The following TMTC2 variants were observed in gnomAD, a reference collection of about 807,000 sequenced individuals.
The protein encoded by TMTC2 is protein O-mannosyl-transferase TMTC2.
TMTC2 carries 43 observed loss-of-function variants against 82.4 expected under a neutral mutation model. The ratio of observed to expected loss-of-function variants is 0.52; its 90% confidence interval spans 0.41 to 0.67. The LOEUF (loss-of-function observed/expected upper bound fraction) is 0.67. Among genes scored for constraint, TMTC2 ranks in the 30% least tolerant of loss-of-function variants. TMTC2 has a pLI of 0.00. For synonymous variants in TMTC2, 408 were observed against 381.9 expected (o/e 1.07, Z -0.80); for missense variants, 919 against 1,012.4 (o/e 0.91, Z 1.25).
At chr12:83,040,032 T>C (rs564724982) in intron 9 of TMTC2, among the ~76,000 whole-genome samples, 1 of 152,356 alleles carries the variant, frequency 6.6e-6, no homozygotes, top group East Asian at 1.9e-4. Flanking sequence ...TGAAGCTCAG[T>C]GTTTAACAAT....
intron 7 of TMTC2, among the ~76,000 whole-genome samples, chr12:82,982,930 A>G (rs1878988895): frequency 6.6e-6 from 1 of 152,032 alleles, no homozygotes; most frequent in Non-Finnish European, 1.5e-5. Context: ...TTCCATCTTT[A>G]AAATCCAAAT....
chr12:82,742,959 A>G (rs1159722376), intron 1 of TMTC2, among the ~76,000 whole-genome samples: 1 of 152,118 alleles, frequency 6.6e-6, no homozygotes, highest in African/African-American at 2.4e-5. Flanking sequence ...TTCTACGTAG[A>G]CAGTTGCCTT....
intron 1 of TMTC2, among the ~76,000 whole-genome samples, chr12:82,688,497 A>C (rs1237730947): frequency 6.6e-6 from 1 of 152,178 alleles, no homozygotes; most frequent in Non-Finnish European, 1.5e-5. Flanking sequence ...GTCTCTTCCT[A>C]TCTTTTAAAC....
chr12:82,905,802 G>A (rs1007395692), intron 3 of TMTC2, among the ~76,000 whole-genome samples: 20 of 152,012 alleles, frequency 1.3e-4, no homozygotes, highest in Admixed American at 6.6e-4. Flanking sequence ...AAAATTAGCC[G>A]GGCATGGTGG....
intron 3 of TMTC2, among the ~76,000 whole-genome samples, chr12:82,912,431 A>G (rs1213766568): frequency 1.3e-5 from 2 of 152,200 alleles, no homozygotes; most frequent in South Asian, 2.1e-4. Context: ...GCTTAGGATA[A>G]GAGAGTAAAT....
intron 1 of TMTC2, among the ~76,000 whole-genome samples, chr12:82,709,798 G>A (rs1873540493): frequency 6.6e-6 from 1 of 152,184 alleles, no homozygotes; most frequent in Non-Finnish European, 1.5e-5. Context: ...CAATCCTAAT[G>A]TTAATGTTTA....
At chr12:82,984,312 G>A (rs137997780) in intron 7 of TMTC2, among the ~76,000 whole-genome samples, 27 of 152,150 alleles carry the variant, frequency 1.8e-4, no homozygotes, top group African/African-American at 5.8e-4. Flanking sequence ...GTGTGAGTGG[G>A]TAAAAATGTG....
intron 11 of TMTC2, among the ~76,000 whole-genome samples, chr12:83,113,397 T>A (rs1010599272): frequency 4.6e-5 from 7 of 152,302 alleles, no homozygotes; most frequent in Admixed American, 3.3e-4. Flanking sequence ...ACTTAGGAGA[T>A]GCTAGATGCA....
chr12:83,085,618 C>T (rs1883625867), intron 11 of TMTC2, among the ~76,000 whole-genome samples: 1 of 152,098 alleles, frequency 6.6e-6, no homozygotes, highest in Admixed American at 6.5e-5. Flanking sequence ...GAGAATTAAC[C>T]ATCTGAGCTC....
At chr12:83,014,909 A>G (rs770191768) in intron 8 of TMTC2, among the ~76,000 whole-genome samples, 1 of 152,148 alleles carries the variant, frequency 6.6e-6, no homozygotes, top group East Asian at 1.9e-4. Context: ...TACGTGTGCT[A>G]TCTTTGTCAC....
chr12:83,014,402 G>A (rs190668834), intron 8 of TMTC2, among the ~76,000 whole-genome samples: 83 of 152,156 alleles, frequency 5.5e-4, no homozygotes, highest in African/African-American at 1.6e-3. Context: ...GTGCAGTGGC[G>A]TGATCTCAGC....
chr12:83,086,536 CTCATCTGTCCAGTGAG>C (rs1883664472), intron 11 of TMTC2, among the ~76,000 whole-genome samples: 1 of 152,138 alleles, frequency 6.6e-6, no homozygotes, highest in African/African-American at 2.4e-5. Flanking sequence ...TTTCAGTTTC[CTCATCTGTCCAGTGAG>C]GTATTAATTA....
rs565726195 is a variant in TMTC2 at position 82,842,794 on chromosome 12, CAT to C, written c.84-14215_84-14214del. 2.0e-5 allele frequency among the ~76,000 whole-genome samples: 3 copies of C among 152,292 alleles called. No homozygotes were observed. The South Asian group carries it at 6.2e-4, about 32-fold the overall frequency. On this transcript the variant is annotated intron_variant, in intron 1 of 11. Transcript: ENST00000321196. Reference sequence around the variant, plus strand: ...TGTCCTAGCATGGTCTTTCTTTTCTCATGTGCATTTCTGATGTCTCTGTGTGT... The same window carrying C: ...TGTCCTAGCATGGTCTTTCTTTTCTCGTGCATTTCTGATGTCTCTGTGTGT...
intron 4 of TMTC2, among the ~76,000 whole-genome samples, chr12:82,931,264 G>C (rs1876016151): frequency 6.6e-6 from 1 of 152,024 alleles, no homozygotes; most frequent in African/African-American, 2.4e-5. Context: ...CTGTATCAAA[G>C]TATATATAGA....
intron 11 of TMTC2, among the ~76,000 whole-genome samples, chr12:83,103,581 T>A (rs1884297939): frequency 6.6e-6 from 1 of 152,076 alleles, no homozygotes; most frequent in South Asian, 2.1e-4. Flanking sequence ...CCATGAGGGA[T>A]CCACCCCCAT....
chr12:82,782,910 A>G (rs1398022732), intron 1 of TMTC2, among the ~76,000 whole-genome samples: 1 of 152,114 alleles, frequency 6.6e-6, no homozygotes, highest in Non-Finnish European at 1.5e-5. Flanking sequence ...CTTTTTGCAC[A>G]GAGACAAGAT....
chr12:82,890,912 T>C (rs959988879), intron 2 of TMTC2, among the ~76,000 whole-genome samples: 2 of 152,220 alleles, frequency 1.3e-5, no homozygotes, highest in Non-Finnish European at 2.9e-5. Flanking sequence ...CTATCAAAGA[T>C]TGTACTTAAC....
At chr12:82,702,075 C>T (rs974958421) in intron 1 of TMTC2, among the ~76,000 whole-genome samples, 5 of 152,100 alleles carry the variant, frequency 3.3e-5, no homozygotes, top group African/African-American at 7.2e-5. Context: ...AGTTTTATAA[C>T]GATGGGGTTG....
chr12:83,000,857 T>C (rs1474293541), intron 8 of TMTC2, among the ~76,000 whole-genome samples: 1 of 152,182 alleles, frequency 6.6e-6, no homozygotes, highest in Non-Finnish European at 1.5e-5. Flanking sequence ...TTCCCAAACC[T>C]TAATTCTTGA....
Sources: allele counts gnomAD v4.1 joint callset (sites outside exome capture counted in the v4.1 genomes callset), GRCh38; gene constraint gnomAD v4.1.1; transcripts MANE v1.5; gene names NCBI Gene and HGNC (gene_info 2026-07-23, HGNC 2026-07-21).